The following ALDH1A1 variants were observed in gnomAD, a reference collection of about 807,000 sequenced individuals.
The protein encoded by ALDH1A1 is aldehyde dehydrogenase 1A1.
ALDH1A1 carries 19 observed loss-of-function variants against 62.1 expected under a neutral mutation model. That is an observed-to-expected ratio of 0.31 (90% confidence interval 0.21 to 0.45). The LOEUF (loss-of-function observed/expected upper bound fraction) is 0.45. Ranked by LOEUF, ALDH1A1 falls within the 20% of genes least tolerant of loss-of-function variation. ALDH1A1 has a pLI of 1.00. For missense variants in ALDH1A1, 521 were observed against 607.1 expected (o/e 0.86, Z 1.49); for synonymous variants, 231 against 215.9 (o/e 1.07, Z -0.61).
At chr9:72,901,672 C>T (rs1829805359) in intron 12 of ALDH1A1, among the ~76,000 whole-genome samples, 1 of 151,994 alleles carries the variant, frequency 6.6e-6, no homozygotes. Flanking sequence ...AGAATTTTGT[C>T]ATTTCTAGTT....
intron 3 of ALDH1A1, among the ~76,000 whole-genome samples, chr9:72,929,430 G>T (rs1830252681): frequency 1.3e-5 from 2 of 152,116 alleles, no homozygotes; most frequent in Non-Finnish European, 2.9e-5. Flanking sequence ...TATTAATGAT[G>T]GCTCAGTAAT....
chr9:72,925,421 G>C, intron 6 of ALDH1A1, 63 bp downstream of exon 6: 1 of 1,565,792 alleles, frequency 6.4e-7, no homozygotes, highest in Non-Finnish European at 8.7e-7. Flanking sequence ...AACAAATGAG[G>C]TCTTCCTATT....
intron 9 of ALDH1A1, 126 bp downstream of exon 9, chr9:72,916,794 T>G (rs1564627631): frequency 4.3e-6 from 3 of 703,678 alleles, no homozygotes; most frequent in Non-Finnish European, 6.2e-6. Flanking sequence ...AACACCAAAC[T>G]GGCACAGCAT....
intron 11 of ALDH1A1, among the ~76,000 whole-genome samples, chr9:72,908,583 GAAAGAAAGAAAGAAAGAA>G (rs1564622726): frequency 7.7e-6 from 1 of 129,100 alleles, no homozygotes; most frequent in Non-Finnish European, 1.7e-5. Context: ...AAGAAAGAAA[GAAAGAAAGAAAGAAAGAA>G]AGAAAGAAAG....
chr9:72,934,259 C>T (rs1830320640), intron 2 of ALDH1A1, among the ~76,000 whole-genome samples: 1 of 152,060 alleles, frequency 6.6e-6, no homozygotes, highest in Non-Finnish European at 1.5e-5. Context: ...TATTTTAATC[C>T]TTCCTTTCAG....
intron 1 of ALDH1A1, among the ~76,000 whole-genome samples, chr9:72,944,681 T>A (rs1830456079): frequency 6.6e-6 from 1 of 152,072 alleles, no homozygotes; most frequent in African/African-American, 2.4e-5. Flanking sequence ...ACAATATTAT[T>A]TTCCATTTGT....
At chr9:72,938,420 G>C (rs1356156015) in intron 2 of ALDH1A1, among the ~76,000 whole-genome samples, 1 of 152,032 alleles carries the variant, frequency 6.6e-6, no homozygotes, top group Non-Finnish European at 1.5e-5. Context: ...AGAATAAAAA[G>C]TTTATTTAAT....
At chr9:72,952,295 G>C (rs1268017785) in intron 1 of ALDH1A1, among the ~76,000 whole-genome samples, 3 of 151,936 alleles carry the variant, frequency 2.0e-5, no homozygotes, top group Non-Finnish European at 4.4e-5. Flanking sequence ...GGATTTTAAA[G>C]TCTGGATCTA....
intron 7 of ALDH1A1, among the ~76,000 whole-genome samples, chr9:72,921,616 T>C (rs1158524199): frequency 1.3e-5 from 2 of 149,914 alleles, no homozygotes; most frequent in African/African-American, 2.4e-5. Context: ...GCTGGTGCGC[T>C]GCACCCACTA....
chr9:72,922,789 C>G (rs1830160208), intron 7 of ALDH1A1, among the ~76,000 whole-genome samples: 1 of 152,158 alleles, frequency 6.6e-6, no homozygotes, highest in African/African-American at 2.4e-5. Flanking sequence ...ATTGCCATAT[C>G]TTGAACATTC....
chr9:72,908,552 GAAGAAAGAAAGAAAGA>G (rs141763068), intron 11 of ALDH1A1, among the ~76,000 whole-genome samples: 22,066 of 91,418 alleles, frequency 0.24, 2,987 homozygotes, highest in Middle Eastern at 0.3. Context: ...AGAAAAGAAA[GAAGAAAGAAAGAAAGA>G]AAGAAAGAAA....
chr9:72,936,754 G>A (rs1830351477), intron 2 of ALDH1A1, among the ~76,000 whole-genome samples: 1 of 152,126 alleles, frequency 6.6e-6, no homozygotes, highest in Non-Finnish European at 1.5e-5. Flanking sequence ...ATTTCAGAGA[G>A]GTGCAGAGTG....
chr9:72,917,758 T>C (rs1830082731), intron 8 of ALDH1A1, among the ~76,000 whole-genome samples: 1 of 152,170 alleles, frequency 6.6e-6, no homozygotes, highest in African/African-American at 2.4e-5. Flanking sequence ...AAGGAAGAAA[T>C]AGGTTGCTTC....
Position 72,930,908 on chromosome 9 carries a change from A to C in ALDH1A1, c.283T>G (p.Leu95Val), listed in dbSNP as rs763069100. Residue 95 changes from leucine (L) to valine (V), a missense_variant, in exon 3 of 13, where the codon TTA (leucine) becomes GTA (valine). By Grantham distance (32) the Leu-to-Val change is conservative. Coordinates refer to ENST00000297785, the MANE Select transcript of ALDH1A1 (RefSeq NM_000689.5). ...RGRLLYKLAD[L>V]IERDRLLLAT... ...AGCAGCAGACGATCTCTTTCGATTA[A>C]ATCAGCCAACTTGTATAATAGTCGC... 3.7e-6 allele frequency: 6 copies of C among 1,614,010 alleles called. No homozygotes were observed. Among genetic ancestry groups the C allele is most frequent in the South Asian group, 3.3e-5 (3 of 91,070 alleles).
chr9:72,930,994 G>T lies in ALDH1A1; in HGVS notation c.197C>A (p.Ala66Asp). 1 of 1,613,962 alleles carries T rather than the reference G, an allele frequency of 6.2e-7. No individual in the cohort carries two copies. Among genetic ancestry groups the T allele is most frequent in the Non-Finnish European group, 8.5e-7 (1 of 1,179,924 alleles). The change falls in exon 3 of 13, where the codon GCC (alanine) becomes GAC (aspartate). Residue 66 changes from alanine (A) to aspartate (D), a missense_variant. Coordinates refer to ENST00000297785, the MANE Select transcript of ALDH1A1 (RefSeq NM_000689.5). ...DKEDVDKAVK[A>D]ARQAFQIGSP... ...TCCAATCTGAAAAGCCTGTCTTGCG[G>T]CCTTCACTGCCTTGTCAACATCCTC...
intron 2 of ALDH1A1, among the ~76,000 whole-genome samples, chr9:72,932,210 A>G (rs986307652): frequency 3.3e-5 from 5 of 152,234 alleles, no homozygotes; most frequent in Admixed American, 1.3e-4. Context: ...GTAGGTTGCA[A>G]TATTTTGCAG....
intron 7 of ALDH1A1, among the ~76,000 whole-genome samples, chr9:72,921,503 C>CTTTTTTTTTTTTT (rs11327072): frequency 1.8e-5 from 2 of 109,506 alleles, no homozygotes; most frequent in African/African-American, 3.5e-5. Context: ...ACATTTAATT[C>CTTTTTTTTTTTTT]TTTTTTTTTT....
rs536030107 is a variant in ALDH1A1 at position 72,905,572 on chromosome 9, A to G, written c.1433+386T>C. On this transcript the variant is annotated intron_variant, in intron 12 of 12. Coordinates refer to ENST00000297785, the MANE Select transcript of ALDH1A1 (RefSeq NM_000689.5). ...TTTACTTATTTAAATGGTTTATTCA[A>G]ATAACTAGAGTGTTTACATTTGCAC... is the stretch of plus-strand genomic sequence containing the variant. Among the ~76,000 whole-genome samples, 229 of 152,294 alleles carry G rather than the reference A, an allele frequency of 1.5e-3. 1 individual carries two copies. The highest frequency in any genetic ancestry group is 5.4e-3 in the African/African-American group (223 of 41,570).
chr9:72,912,107 AT>A lies in ALDH1A1; in HGVS notation c.1050del (p.Gln350HisfsTer60). The A allele has an allele frequency of 6.2e-7, 1 of 1,612,586 alleles. No homozygotes were observed. Among genetic ancestry groups the A allele is most frequent in the South Asian group, 1.1e-5 (1 of 90,932 alleles). ...TCAATGAGGTCAAGTATTTTATCAT[AT>A]TGTTCCTTGTCAATCTATTTGAAAA... is the stretch of plus-strand genomic sequence containing the variant. ...VTQGPQIDKE[Q>X]YDKILDLIES... On this transcript the variant is annotated frameshift_variant, in exon 10 of 13. Transcript: ENST00000297785. LOFTEE classifies it high-confidence loss of function.
Sources: allele counts gnomAD v4.1 joint callset (sites outside exome capture counted in the v4.1 genomes callset), GRCh38; gene constraint gnomAD v4.1.1; transcripts MANE v1.5; gene names NCBI Gene and HGNC (gene_info 2026-07-23, HGNC 2026-07-21).